The following JAKMIP3 variants were observed in gnomAD, a reference collection of about 807,000 sequenced individuals.
The protein encoded by JAKMIP3 is janus kinase and microtubule-interacting protein 3.
Under a neutral mutation model 118.5 loss-of-function variants are expected in JAKMIP3, and 58 were observed. That is an observed-to-expected ratio of 0.49 (90% CI 0.40 to 0.61). JAKMIP3 has a LOEUF of 0.61. Ranked by LOEUF, JAKMIP3 falls within the 20% of genes least tolerant of loss-of-function variation. The pLI is 0.00. For missense variants in JAKMIP3, 950 were observed against 1,109.0 expected, an observed-to-expected ratio of 0.86 and a Z score of 2.04; for synonymous variants, 486 against 451.2, an observed-to-expected ratio of 1.08 and a Z score of -0.98.
At chr10:132,180,590 T>TGCGC (rs1428695262) in intron 23 of JAKMIP3, among the ~76,000 whole-genome samples, 1 of 21,686 alleles carries the variant, frequency 4.6e-5, no homozygotes, top group Non-Finnish European at 1.1e-4. Flanking sequence ...CGTGCGCGTG[T>TGCGC]GTGTGTGCGT....
Position 132,179,570 on chromosome 10 carries a change from G to A in JAKMIP3, c.*1104-2787G>A, listed in dbSNP as rs555082388. On this transcript the variant is annotated intron_variant, in intron 23 of 23. Coordinates refer to ENST00000684848, the MANE Select transcript of JAKMIP3 (RefSeq NM_001323087.2). The surrounding 1 kb of genome is among the most constrained non-coding windows in gnomAD (Gnocchi z 4.3). ...AGAATGCGCTCCCTGAAGGCAATTC[G>A]CAGCCCCATGTTCCCCCCACCCCCC... Among the ~76,000 whole-genome samples the A allele has an allele frequency of 4.6e-5, 7 of 152,254 alleles. No homozygotes were observed. Among genetic ancestry groups the A allele is most frequent in the South Asian group, 2.1e-4 (1 of 4,822 alleles).
In JAKMIP3 at chr10:132,108,966, A is replaced by G. The variant is rs531433150; in HGVS notation, c.135+4023A>G. Among the ~76,000 whole-genome samples, 5 of 148,868 alleles carry G rather than the reference A, an allele frequency of 3.4e-5. No individual in the cohort carries two copies. The Admixed American group carries it at 3.4e-4, about 10-fold the overall frequency. On this transcript the variant is annotated intron_variant, in intron 2 of 23. Transcript: ENST00000684848. Reference sequence around the variant, plus strand: ...ATAAATTATATACGCAAATGTATATATAAATTATATACGCAAATGTATATA... The same window carrying G: ...ATAAATTATATACGCAAATGTATATGTAAATTATATACGCAAATGTATATA...
intron 1 of JAKMIP3, among the ~76,000 whole-genome samples, chr10:132,039,514 GC>G (rs1289992504): frequency 9.9e-5 from 15 of 152,258 alleles, no homozygotes; most frequent in African/African-American, 2.9e-4. Context: ...TCCCTGCAAG[GC>G]TGAGAGGCCT....
In JAKMIP3 at chr10:132,138,184, G is replaced by A. The variant is rs375316939; in HGVS notation, c.1344+6G>A. ...AAATGGCAAAACTTCCCAAGGTAAG[G>A]AACAGCACACCGGCACGTGCGGAGA... On this transcript the variant is annotated splice_donor_region_variant and intron_variant, in intron 9 of 23. Coordinates refer to ENST00000684848, the MANE Select transcript of JAKMIP3 (RefSeq NM_001323087.2). 1.6e-5 allele frequency: 26 copies of A among 1,608,100 alleles called. No homozygotes were observed. Among genetic ancestry groups the A allele is most frequent in the South Asian group, 3.3e-5 (3 of 89,940 alleles).
Position 132,180,523 on chromosome 10 carries a change from CTGTG to C in JAKMIP3, c.*1104-1815_*1104-1812del, listed in dbSNP as rs760742595. On this transcript the variant is annotated intron_variant, in intron 23 of 23. Transcript: ENST00000684848. ...GAAGACTGCAAACCTGGAAGCAGAA[CTGTG>C]TGTGTGTGTGTGTGTGTGCGTGCGT... is the stretch of plus-strand genomic sequence containing the variant. 3.4e-3 allele frequency among the ~76,000 whole-genome samples: 251 copies of C among 74,436 alleles called. 57 individuals carry two copies. Among genetic ancestry groups the C allele is most frequent in the Middle Eastern group, 0.012 (2 of 172 alleles). The allele number at this position is 74,436 out of a possible 152,430, so 48.8% of individuals were successfully genotyped here.
At chr10:132,128,937 T>C (rs1007102379) in intron 3 of JAKMIP3, among the ~76,000 whole-genome samples, 1 of 152,248 alleles carries the variant, frequency 6.6e-6, no homozygotes, top group African/African-American at 2.4e-5. Context: ...TTTTAAGTTC[T>C]TGTTGGCTAA....
intron 1 of JAKMIP3, among the ~76,000 whole-genome samples, chr10:132,102,183 CCTT>C (rs984458119): frequency 2.0e-5 from 3 of 152,180 alleles, no homozygotes; most frequent in African/African-American, 7.2e-5. Context: ...CTCCTCAGGC[CCTT>C]CTTCTTGCAT....
rs117505770 is a variant in JAKMIP3 at position 132,096,821 on chromosome 10, C to T, written c.-137-7851C>T. 2.5e-4 allele frequency among the ~76,000 whole-genome samples: 38 copies of T among 152,270 alleles called. No individual in the cohort carries two copies. In the East Asian group the frequency reaches 2.7e-3, roughly 11 times the overall value. On this transcript the variant is annotated intron_variant, in intron 1 of 23. Transcript: ENST00000684848. ...CAGGGACCTCAGACCCCAGGAATGA[C>T]GCCATGGCAGGGTCCCTGGGTTTTC...
intron 1 of JAKMIP3, among the ~76,000 whole-genome samples, chr10:132,080,218 G>GT (rs2041544122): frequency 6.6e-6 from 1 of 152,202 alleles, no homozygotes; most frequent in African/African-American, 2.4e-5. Flanking sequence ...GTTTTCCACA[G>GT]TGGCTGCACC....
At position 132,184,443 on chromosome 10, in the gene JAKMIP3, G is replaced by A. The variant is rs544013784; in HGVS notation, c.*3190G>A. 1 of 152,286 alleles carries A rather than the reference G, an allele frequency of 6.6e-6. No homozygotes were observed. Among genetic ancestry groups the A allele is most frequent in the African/African-American group, 2.4e-5 (1 of 41,556 alleles). 9.4% of individuals were successfully genotyped at this position (152,286 alleles called of 1,614,324 possible). A position where few individuals can be genotyped will look rare whatever the true frequency, so the allele number is the denominator to read the frequency against. ...AGAGTGTGTGTTTTATCACAGTAATGGAATTCAGTTTAGCCTCAGGAAACT... is the reference window on the plus strand; with the variant it reads ...AGAGTGTGTGTTTTATCACAGTAATAGAATTCAGTTTAGCCTCAGGAAACT... On this transcript the variant is annotated 3_prime_UTR_variant, in exon 24 of 24. Coordinates refer to ENST00000684848, the MANE Select transcript of JAKMIP3 (RefSeq NM_001323087.2).
rs748470939 is a variant in JAKMIP3 at position 132,117,132 on chromosome 10, A to G, written c.191A>G (p.Glu64Gly). 1 of 1,613,564 alleles carries G rather than the reference A, an allele frequency of 6.2e-7. No individual in the cohort carries two copies. The highest frequency in any genetic ancestry group is 8.5e-7 in the Non-Finnish European group (1 of 1,179,770). The change falls in exon 3 of 24, where the codon GAG (glutamate) becomes GGG (glycine). Residue 64 changes from glutamate to glycine, a missense_variant. Coordinates refer to ENST00000684848, the MANE Select transcript of JAKMIP3 (RefSeq NM_001323087.2). This position sits in a 1 kb window ranked among gnomAD's most constrained non-coding sequence, Gnocchi z 8.6. ...NQELRQVREH[E>G]QHKTAVLLTE... is the part of the protein sequence containing the mutation. ...GAGCTGCGGCAGGTGCGCGAGCATG[A>G]GCAGCATAAGACCGCGGTCTTGCTC...
At chr10:132,130,654 T>C (rs1532187) in intron 3 of JAKMIP3, among the ~76,000 whole-genome samples, 119,605 of 152,212 alleles carry the variant, frequency 0.79, 48,021 homozygotes, top group East Asian at 0.99. Context: ...CACCTGTCTG[T>C]GGCACTGAGG....
Position 132,140,310 on chromosome 10 carries a change from G to A in JAKMIP3, c.1345-141G>A, listed in dbSNP as rs150177709. ...CCCCTCACACCCAGGCCACCTCCTC[G>A]GCCTGTGCCAGGGACAGAGATGGGA... On this transcript the variant is annotated intron_variant, in intron 9 of 23. Coordinates refer to ENST00000684848, the MANE Select transcript of JAKMIP3 (RefSeq NM_001323087.2). The A allele has an allele frequency of 3.2e-3, 3,721 of 1,177,486 alleles. 94 individuals carry two copies. The African/African-American group carries it at 0.052, about 16-fold the overall frequency. The allele number at this position is 1,177,486 out of a possible 1,614,324, so 72.9% of individuals were successfully genotyped here.
chr10:132,168,872 G>A lies in JAKMIP3; in HGVS notation c.*942G>A, dbSNP rs1590023009. The A allele has an allele frequency of 1.5e-5, 1 of 65,104 alleles. No homozygotes were observed. The highest frequency in any genetic ancestry group is 3.8e-4 in the East Asian group (1 of 2,632). 4.0% of individuals were successfully genotyped at this position (65,104 alleles called of 1,614,324 possible). On this transcript the variant is annotated 3_prime_UTR_variant, in exon 23 of 24. Transcript: ENST00000684848. Reference sequence around the variant, plus strand: ...GCCCCTGCACGGGCCAGCCCTGCAGGCCATGGACCCCGGCGGGCACCGAAG... The same window carrying A: ...GCCCCTGCACGGGCCAGCCCTGCAGACCATGGACCCCGGCGGGCACCGAAG...
intron 10 of JAKMIP3, among the ~76,000 whole-genome samples, chr10:132,141,230 G>A (rs992393934): frequency 5.3e-5 from 8 of 152,302 alleles, no homozygotes; most frequent in Admixed American, 2.6e-4. Context: ...CCATAGACCT[G>A]TTGAGGGATC....
chr10:132,140,422 G>A (rs1428932420), intron 9 of JAKMIP3, 29 bp from the exon 10 acceptor site: 1 of 1,613,038 alleles, frequency 6.2e-7, no homozygotes, highest in South Asian at 1.1e-5. Context: ...GGTCTGGTTT[G>A]AACTGACACG....
rs1433569346 is a variant in JAKMIP3, at chr10:132,168,058, C to G, written c.*128C>G. 3.1e-6 allele frequency: 4 copies of G among 1,289,434 alleles called. No homozygotes were observed. The highest frequency in any genetic ancestry group is 2.1e-4 in the Middle Eastern group (1 of 4,714). The allele number at this position is 1,289,434 out of a possible 1,614,324, so 79.9% of individuals were successfully genotyped here. ...GACCCAGGGAGATTTGGTCTCTGCA[C>G]GCCCGTCCCGTGGAGGAAGAGTGAG... On this transcript the variant is annotated 3_prime_UTR_variant, in exon 23 of 24. Transcript: ENST00000684848.
intron 21 of JAKMIP3, among the ~76,000 whole-genome samples, chr10:132,166,712 C>G (rs961255091): frequency 6.6e-6 from 1 of 152,188 alleles, no homozygotes; most frequent in Admixed American, 6.5e-5. Context: ...GCTGGGGACA[C>G]GCTGGGTGTG....
chr10:132,137,810 C>T (rs991806331), intron 8 of JAKMIP3, among the ~76,000 whole-genome samples: 3 of 152,260 alleles, frequency 2.0e-5, no homozygotes, highest in Non-Finnish European at 2.9e-5. Flanking sequence ...CAGCTTCCCA[C>T]AACTGTGTGC....
Sources: gnomAD v4.1 joint callset for allele counts (sites outside exome capture counted in the v4.1 genomes callset) on GRCh38, gnomAD v4.1.1 for gene constraint, Gnocchi (gnomAD v3.1) non-coding constraint, MANE v1.5 for transcripts, NCBI Gene and HGNC (gene_info 2026-07-23, HGNC 2026-07-21) for gene names.